GGA1: variants seen among roughly 807,000 people sequenced by gnomAD.
GGA1 encodes the protein golgi associated, gamma adaptin ear containing, ARF binding protein 1, also known as ADP-ribosylation factor-binding protein GGA1.
GGA1 carries 18 observed loss-of-function variants against 76.9 expected under a neutral mutation model. That is an observed-to-expected ratio of 0.23 (90% confidence interval 0.16 to 0.35). The LOEUF (loss-of-function observed/expected upper bound fraction) is 0.35, where lower values mean the gene tolerates loss of function less well. Ranked by LOEUF, GGA1 falls within the 10% of genes least tolerant of loss-of-function variation. GGA1 has a pLI of 1.00. For missense variants in GGA1, 755 were observed against 859.0 expected (o/e 0.88, Z 1.51); for synonymous variants, 342 against 354.7 (o/e 0.96, Z 0.40).
At chr22:37,615,309 C>A (rs1031771053) in intron 2 of GGA1, among the ~76,000 whole-genome samples, 3 of 151,904 alleles carry the variant, frequency 2.0e-5, no homozygotes, top group African/African-American at 7.3e-5. Flanking sequence ...ATTAGCCGGG[C>A]ATGGTGGTGC....
In GGA1 at chr22:37,620,372, C is replaced by T. The variant is rs1443039903; in HGVS notation, c.427+11C>T. The T allele has an allele frequency of 1.2e-6, 2 of 1,613,870 alleles. No homozygotes were observed. Among genetic ancestry groups the T allele is most frequent in the Non-Finnish European group, 1.7e-6 (2 of 1,179,912 alleles). Reference sequence around the variant, plus strand: ...TGCTAAAGAAGCAGGGTGAGGCACACAGAGGGTGGGGGGCGACCAGGGCCT... The same window carrying T: ...TGCTAAAGAAGCAGGGTGAGGCACATAGAGGGTGGGGGGCGACCAGGGCCT... On this transcript the variant is annotated intron_variant, in intron 5 of 16. Transcript: ENST00000343632.
In GGA1 at chr22:37,618,470, G is replaced by A; in HGVS notation, c.227G>A (p.Ser76Asn). ...ALTVLETCMKSCGKRFHDEVG... is the reference protein window; with the variant it reads ...ALTVLETCMKNCGKRFHDEVG... ...CAGGTGCTGGAAACATGCATGAAGA[G>A]CTGCGGCAAGCGGTTCCACGACGAA... Residue 76 changes from serine (S) to asparagine (N), a missense_variant, in exon 4 of 17, where the codon AGC (serine) becomes AAC (asparagine). Transcript: ENST00000343632. The A allele has an allele frequency of 1.9e-6, 3 of 1,612,482 alleles. No individual in the cohort carries two copies. The highest frequency in any genetic ancestry group is 2.2e-5 in the South Asian group (2 of 91,044).
Position 37,630,999 on chromosome 22 carries a change from C to G in GGA1, c.1428C>G (p.Leu476=). The G allele has an allele frequency of 6.2e-7, 1 of 1,613,600 alleles. No homozygotes were observed. The highest frequency in any genetic ancestry group is 8.5e-7 in the Non-Finnish European group (1 of 1,179,808). Residue 476 remains leucine, a synonymous_variant, in exon 14 of 17, where the codon CTC becomes CTG. Coordinates refer to ENST00000343632, the MANE Select transcript of GGA1 (RefSeq NM_013365.5). ...CCAGCTCCAGCGCCACCAGCCTTCT[C>G]CACACCGTGTCCCCAGAGCCCCCCA... ...SSPSSSATSL[L]HTVSPEPPRP... is the part of the protein sequence containing the mutation.
At position 37,631,035 on chromosome 22, in the gene GGA1, G is replaced by T. The variant is rs1365443969; in HGVS notation, c.1464G>T (p.Gln488His). ...TVSPEPPRPP[Q>H]QPVPTELSLA... ...CCCCAGAGCCCCCCAGGCCTCCGCA[G>T]CAGCCCGTACCAACCGAGCTCTCAC... The change falls in exon 14 of 17, where the codon CAG becomes CAT. Residue 488 changes from glutamine (Q) to histidine (H), a missense_variant. By Grantham distance (24) the Gln-to-His change is conservative (BLOSUM62 0). Transcript: ENST00000343632. 6.2e-7 allele frequency: 1 copy of T among 1,613,004 alleles called. No homozygotes were observed. Among genetic ancestry groups the T allele is most frequent in the East Asian group, 2.2e-5 (1 of 44,796 alleles).
At chr22:37,615,955 C>T (rs1441784993) in intron 2 of GGA1, among the ~76,000 whole-genome samples, 1 of 151,836 alleles carries the variant, frequency 6.6e-6, no homozygotes, top group African/African-American at 2.4e-5. Flanking sequence ...GTTCTCCTGC[C>T]TCAGCCTCCC....
intron 4 of GGA1, 120 bp from the exon 5 acceptor site, chr22:37,620,118 C>A (rs1929604232): frequency 9.1e-7 from 1 of 1,096,000 alleles, no homozygotes; most frequent in African/African-American, 1.5e-5. Context: ...GCTATGAGGA[C>A]CCTGTAGGCT....
intron 1 of GGA1, among the ~76,000 whole-genome samples, chr22:37,611,849 G>C (rs961228971): frequency 6.6e-6 from 1 of 152,208 alleles, no homozygotes; most frequent in South Asian, 2.1e-4. Flanking sequence ...AAAGTATTTT[G>C]TCATCCAAAA....
intron 5 of GGA1, among the ~76,000 whole-genome samples, 184 bp from the exon 6 acceptor site, chr22:37,620,629 C>T (rs373085329): frequency 1.3e-5 from 2 of 152,182 alleles, no homozygotes; most frequent in East Asian, 3.9e-4. Flanking sequence ...CAAACCATCT[C>T]CCCCAGGCAA....
At chr22:37,626,508 T>C (rs1449473765) in intron 11 of GGA1, 1 of 152,206 alleles carries the variant, frequency 6.6e-6, no homozygotes, top group African/African-American at 2.4e-5. Flanking sequence ...CAAACCATTT[T>C]TGGGTTTCCA....
In GGA1 at chr22:37,625,385, A is replaced by G. The variant is rs1930636092; in HGVS notation, c.940+309A>G. On this transcript the variant is annotated intron_variant, in intron 10 of 16. Coordinates refer to ENST00000343632, the MANE Select transcript of GGA1 (RefSeq NM_013365.5). This position sits in a 1 kb window ranked among gnomAD's most constrained non-coding sequence, Gnocchi z 4.1. ...AGATGACACCCCAGAGGCTTTATGT[A>G]TCAGAAAATGCGAGGGGGGTTAGAA... Among the ~76,000 whole-genome samples the G allele has an allele frequency of 6.6e-6, 1 of 152,132 alleles. No homozygotes were observed. The highest frequency in any genetic ancestry group is 2.4e-5 in the African/African-American group (1 of 41,412).
intron 1 of GGA1, chr22:37,613,034 T>C (rs1240427138): frequency 3.0e-6 from 3 of 985,226 alleles, no homozygotes. Context: ...GGGAGACAGG[T>C]GTGGACATGA....
At chr22:37,621,273 T>TAA (rs1455074295) in intron 6 of GGA1, among the ~76,000 whole-genome samples, 1 of 152,186 alleles carries the variant, frequency 6.6e-6, no homozygotes, top group Non-Finnish European at 1.5e-5. Context: ...GAGGTTAAAG[T>TAA]AAAAGGTCCC....
intron 1 of GGA1, among the ~76,000 whole-genome samples, chr22:37,613,542 A>G (rs1928151302): frequency 6.6e-6 from 1 of 152,132 alleles, no homozygotes; most frequent in South Asian, 2.1e-4. Context: ...CTGGGACTAC[A>G]GGCACCCACC....
At position 37,630,180 on chromosome 22, in the gene GGA1, C is replaced by T; in HGVS notation, c.1331+10C>T. ...CCCAGCAAGTGCGGTGGTGAGGGCC[C>T]ACCATGGCTGGCATGGGGTGGGGAG... On this transcript the variant is annotated intron_variant, in intron 13 of 16. Transcript: ENST00000343632. The T allele has an allele frequency of 1.3e-6, 2 of 1,554,076 alleles. No homozygotes were observed. The highest frequency in any genetic ancestry group is 1.7e-6 in the Non-Finnish European group (2 of 1,151,332).
intron 1 of GGA1, chr22:37,613,929 G>T: frequency 2.2e-6 from 1 of 464,844 alleles, no homozygotes; most frequent in East Asian, 4.0e-5. Context: ...AGCTGCAGGG[G>T]TGGGAGGAGT....
At position 37,632,478 on chromosome 22, in the gene GGA1, C is replaced by A; in HGVS notation, c.1772C>A (p.Ala591Glu). ...TTTAACCCCATCGTCCACCCCTCAG[C>A]AATCACCCAGGTCCTGCTGCTTGCC... ...PAFNPIVHPS[A>E]ITQVLLLANP... is the part of the protein sequence containing the mutation. Residue 591 changes from alanine to glutamate, a missense_variant, in exon 16 of 17, where the codon GCA becomes GAA. Ala to Glu is a moderately radical substitution (Grantham distance 107). Coordinates refer to ENST00000343632, the MANE Select transcript of GGA1 (RefSeq NM_013365.5). This position sits in a 1 kb window ranked among gnomAD's most constrained non-coding sequence, Gnocchi z 5.1. The A allele has an allele frequency of 6.2e-7, 1 of 1,613,846 alleles. No homozygotes were observed. Among genetic ancestry groups the A allele is most frequent in the Non-Finnish European group, 8.5e-7 (1 of 1,179,762 alleles).
intron 2 of GGA1, 129 bp downstream of exon 2, chr22:37,614,403 C>T: frequency 1.5e-6 from 1 of 669,482 alleles, no homozygotes; most frequent in Non-Finnish European, 2.7e-6. Flanking sequence ...GAGGATGGGG[C>T]ACTTGGCACT....
chr22:37,629,970 C>T, intron 12 of GGA1, 28 bp from the exon 13 acceptor site: 1 of 1,501,314 alleles, frequency 6.7e-7, no homozygotes, highest in Admixed American at 2.0e-5. Context: ...TAGACAGCCC[C>T]ACCCCACCTG....
chr22:37,612,789 C>A lies in GGA1; in HGVS notation c.44-1401C>A, dbSNP rs533512120. On this transcript the variant is annotated intron_variant, in intron 1 of 16. Coordinates refer to ENST00000343632, the MANE Select transcript of GGA1 (RefSeq NM_013365.5). ...ACTCGTCTCAAAAAAAAAAAAAAAT[C>A]CATATTTCATTCCAGCTTTACAAGA... 11 of 424,750 alleles carry A rather than the reference C, an allele frequency of 2.6e-5. No homozygotes were observed. In the South Asian group the frequency reaches 1.1e-3, roughly 42 times the overall value. The allele number at this position is 424,750 out of a possible 1,614,324, so 26.3% of individuals were successfully genotyped here. A position where few individuals can be genotyped will look rare whatever the true frequency, so the allele number is the denominator to read the frequency against.
Sources: allele counts gnomAD v4.1 joint callset (sites outside exome capture counted in the v4.1 genomes callset), GRCh38; gene constraint gnomAD v4.1.1; non-coding constraint Gnocchi (gnomAD v3.1); transcripts MANE v1.5; gene names NCBI Gene and HGNC (gene_info 2026-07-23, HGNC 2026-07-21).